NPLOC4: variants seen among roughly 807,000 people sequenced by gnomAD.
NPLOC4 encodes the protein nuclear protein localization protein 4 homolog.
A neutral mutation model predicts 80.6 loss-of-function variants in NPLOC4; 18 were observed. That is an observed-to-expected ratio of 0.22 (90% CI 0.15 to 0.33). NPLOC4 has a LOEUF of 0.33. Among genes scored for constraint, NPLOC4 ranks in the 10% least tolerant of loss-of-function variants. The pLI, the probability that NPLOC4 is intolerant of heterozygous loss-of-function variation, is 1.00. For synonymous variants in NPLOC4, 313 were observed against 301.5 expected (o/e 1.04, Z -0.39); for missense variants, 540 against 786.1 (o/e 0.69, Z 3.74).
At position 81,614,261 on chromosome 17, in the gene NPLOC4, G is replaced by C. The variant is rs550764570; in HGVS notation, c.210-767C>G. 3.6e-5 allele frequency: 4 copies of C among 112,492 alleles called. No individual in the cohort carries two copies. The South Asian group carries it at 1.3e-3, about 37-fold the overall frequency. 7.0% of individuals were successfully genotyped at this position (112,492 alleles called of 1,614,324 possible). A position where few individuals can be genotyped will look rare whatever the true frequency, so the allele number is the denominator to read the frequency against. The stretch of plus-strand genomic sequence containing the variant: ...CACTGCACTCCAGCCTGGTGACAGA[G>C]GGAGGCTCCATCTCAAAAAAAAAAA... On this transcript the variant is annotated intron_variant, in intron 3 of 16. Transcript: ENST00000331134.
chr17:81,591,350 G>A (rs1279713844), intron 11 of NPLOC4, among the ~76,000 whole-genome samples: 2 of 149,152 alleles, frequency 1.3e-5, no homozygotes, highest in African/African-American at 4.9e-5. Context: ...CAGGAGAATC[G>A]CTTGACCCCA....
At chr17:81,584,407 C>T (rs1435596447) in intron 12 of NPLOC4, among the ~76,000 whole-genome samples, 1 of 152,148 alleles carries the variant, frequency 6.6e-6, no homozygotes, top group South Asian at 2.1e-4. Flanking sequence ...AAGAAACTTA[C>T]AATAACGCAT....
At chr17:81,569,138 AT>A (rs1297792369) in intron 13 of NPLOC4, 27 bp from the exon 14 acceptor site, 1 of 1,507,792 alleles carries the variant, frequency 6.6e-7, no homozygotes, top group Non-Finnish European at 9.2e-7. Flanking sequence ...CAAACCCATG[AT>A]AAATGAGGCT....
Position 81,622,269 on chromosome 17 carries a change from C to T in NPLOC4, c.106G>A (p.Glu36Lys). The part of the protein sequence containing the change: ...AATFLKKVAK[E>K]FGFQNNGFSV... ...AAGCCATTATTTTGGAAGCCAAACT[C>T]CTTTGCAACCTAAAACAAGGCCCAA... The change falls in exon 3 of 17, where the codon GAG becomes AAG. Residue 36 changes from glutamate to lysine, a missense_variant. Glu to Lys is a moderately conservative substitution (Grantham distance 56, BLOSUM62 1). Transcript: ENST00000331134. The T allele has an allele frequency of 6.2e-7, 1 of 1,612,406 alleles. No homozygotes were observed. The highest frequency in any genetic ancestry group is 8.5e-7 in the Non-Finnish European group (1 of 1,178,546).
At chr17:81,565,208 T>C (rs980752231) in intron 16 of NPLOC4, 2 of 635,046 alleles carry the variant, frequency 3.1e-6, no homozygotes, top group Non-Finnish European at 5.7e-6. Context: ...AAGACAATGA[T>C]GTTCAAAGTG....
intron 1 of NPLOC4, among the ~76,000 whole-genome samples, chr17:81,631,010 T>C (rs2035913404): frequency 6.6e-6 from 1 of 151,726 alleles, no homozygotes; most frequent in South Asian, 2.1e-4. Flanking sequence ...CCGTCTCTAC[T>C]AAAAATACAA....
chr17:81,588,375 C>T (rs1005755364), intron 12 of NPLOC4, among the ~76,000 whole-genome samples: 1 of 152,160 alleles, frequency 6.6e-6, no homozygotes, highest in Non-Finnish European at 1.5e-5. Flanking sequence ...CACCCCTATC[C>T]TTGAGACAGG....
At chr17:81,578,648 AG>A (rs1051385328) in intron 12 of NPLOC4, among the ~76,000 whole-genome samples, 7 of 152,154 alleles carry the variant, frequency 4.6e-5, no homozygotes, top group African/African-American at 9.7e-5. Context: ...TGCCGAGCAA[AG>A]GGGGAAGAGC....
intron 13 of NPLOC4, among the ~76,000 whole-genome samples, chr17:81,569,866 T>C (rs935521864): frequency 5.9e-5 from 9 of 152,128 alleles, no homozygotes; most frequent in Non-Finnish European, 1.0e-4. Context: ...CAAGAATCAA[T>C]AGAAATACCA....
At chr17:81,609,676 G>A (rs924664796) in intron 5 of NPLOC4, among the ~76,000 whole-genome samples, 3 of 152,140 alleles carry the variant, frequency 2.0e-5, no homozygotes, top group Non-Finnish European at 2.9e-5. Flanking sequence ...AACACAAAAC[G>A]CTCTAAGTCA....
chr17:81,567,606 C>T lies in NPLOC4; in HGVS notation c.1450-73G>A, dbSNP rs1362709751. ...CCAGACCCCGAAACAGAGCTGTTTC[C>T]TACTAAGACGCAACTCAATACACTG... On this transcript the variant is annotated intron_variant, in intron 14 of 16. Coordinates refer to ENST00000331134, the MANE Select transcript of NPLOC4 (RefSeq NM_017921.4). The surrounding 1 kb of genome is among the most constrained non-coding windows in gnomAD (Gnocchi z 4.5). 4.5e-6 allele frequency: 4 copies of T among 883,824 alleles called. No individual in the cohort carries two copies. The highest frequency in any genetic ancestry group is 5.5e-6 in the Non-Finnish European group (3 of 543,576). 54.7% of individuals were successfully genotyped at this position (883,824 alleles called of 1,614,324 possible).
At chr17:81,568,383 A>G (rs987750952) in intron 14 of NPLOC4, among the ~76,000 whole-genome samples, 3 of 152,234 alleles carry the variant, frequency 2.0e-5, no homozygotes, top group African/African-American at 7.2e-5. Flanking sequence ...CCCTGGGCGG[A>G]TGGGCACTGA....
chr17:81,634,752 A>AT (rs1369986174), intron 1 of NPLOC4, among the ~76,000 whole-genome samples: 2 of 151,936 alleles, frequency 1.3e-5, no homozygotes, highest in Non-Finnish European at 2.9e-5. Flanking sequence ...CACCCGGCTA[A>AT]TTTTTTATTT....
chr17:81,624,362 G>A lies in NPLOC4; in HGVS notation c.97-2084C>T, dbSNP rs12185230. ...GAAACCAGAAGGCAGAGGTTGCAGT[G>A]AGCCAAGATGGCGCCATTGCACTCC... On this transcript the variant is annotated intron_variant, in intron 2 of 16. Transcript: ENST00000331134. Among the ~76,000 whole-genome samples the A allele has an allele frequency of 5.4e-3, 826 of 152,290 alleles. 4 individuals are homozygous for A. Among genetic ancestry groups the A allele is most frequent in the Admixed American group, 0.01 (154 of 15,282 alleles).
chr17:81,576,001 A>AAC (rs56999682), intron 12 of NPLOC4, among the ~76,000 whole-genome samples: 22,651 of 152,244 alleles, frequency 0.15, 2,022 homozygotes, highest in Admixed American at 0.23. Flanking sequence ...CAGCAAATAC[A>AAC]AGTGGGTTAC....
chr17:81,593,114 G>A (rs2034795992), intron 11 of NPLOC4, among the ~76,000 whole-genome samples: 1 of 152,184 alleles, frequency 6.6e-6, no homozygotes, highest in Non-Finnish European at 1.5e-5. Context: ...CACTTGTGTA[G>A]GCAAAAACCA....
chr17:81,597,395 A>C (rs749277834), intron 9 of NPLOC4, 79 bp from the exon 10 acceptor site: 2 of 1,119,616 alleles, frequency 1.8e-6, no homozygotes, highest in Non-Finnish European at 2.7e-6. Flanking sequence ...TCACGCCTAT[A>C]ATCACAGCAC....
intron 12 of NPLOC4, among the ~76,000 whole-genome samples, chr17:81,575,325 TCTC>T (rs748056196): frequency 6.6e-6 from 1 of 152,160 alleles, no homozygotes; most frequent in Non-Finnish European, 1.5e-5. Flanking sequence ...ATGGTCTCGA[TCTC>T]CTGACCTCAT....
intron 12 of NPLOC4, among the ~76,000 whole-genome samples, chr17:81,588,421 C>T (rs1442450753): frequency 6.6e-6 from 1 of 152,180 alleles, no homozygotes; most frequent in East Asian, 1.9e-4. Context: ...AGTGCAGTGG[C>T]ACAATCATGG....
Sources: gnomAD v4.1 joint callset for allele counts (sites outside exome capture counted in the v4.1 genomes callset) on GRCh38, gnomAD v4.1.1 for gene constraint, Gnocchi (gnomAD v3.1) non-coding constraint, MANE v1.5 for transcripts, NCBI Gene and HGNC (gene_info 2026-07-23, HGNC 2026-07-21) for gene names.